The following AP3B1 variants were observed in gnomAD, a reference collection of about 807,000 sequenced individuals.
The protein encoded by AP3B1 is adaptor related protein complex 3 subunit beta 1, also known as AP-3 complex subunit beta-1.
In AP3B1, 61 loss-of-function variants were observed where a neutral mutation model predicts 132.5. That is an observed-to-expected ratio of 0.46 (90% CI 0.37 to 0.57). The LOEUF (loss-of-function observed/expected upper bound fraction) is 0.57. Among genes scored for constraint, AP3B1 ranks in the 20% least tolerant of loss-of-function variants. AP3B1 has a pLI of 0.00. For synonymous variants in AP3B1, 388 were observed against 438.3 expected, an observed-to-expected ratio of 0.89 and a Z score of 1.43; for missense variants, 1,120 against 1,289.4, an observed-to-expected ratio of 0.87 and a Z score of 2.01.
At chr5:78,118,380 C>T (rs1042330749) in intron 17 of AP3B1, among the ~76,000 whole-genome samples, 11 of 152,204 alleles carry the variant, frequency 7.2e-5, no homozygotes, top group African/African-American at 2.7e-4. Flanking sequence ...TGAGGCATTG[C>T]CTCACTCAGG....
At chr5:78,196,367 A>C (rs1395289713) in intron 7 of AP3B1, among the ~76,000 whole-genome samples, 1 of 152,178 alleles carries the variant, frequency 6.6e-6, no homozygotes, top group African/African-American at 2.4e-5. Flanking sequence ...AAACTTGATA[A>C]CTCCGTATAC....
chr5:78,039,126 G>A lies in AP3B1; in HGVS notation c.2726C>T (p.Thr909Ile), dbSNP rs1747940185. ...GATATTTTCTATCTTTCGATCAGTA[G>A]TGTTATTCAGTGTTATTTGTATAGA... Reference protein sequence around the residue: ...MVSIQITLNNTTDRKIENIHI... With the variant: ...MVSIQITLNNITDRKIENIHI... Residue 909 changes from threonine (T) to isoleucine (I), a missense_variant, in exon 23 of 27, where the codon ACT becomes ATT. Physicochemically the swap from Thr to Ile is moderately conservative, Grantham distance 89 (BLOSUM62 -1). This residue lies in a region of AP3B1 where 906 missense variants were observed against 997.1 expected (regional missense o/e 0.91). Transcript: ENST00000255194. 1 of 1,613,464 alleles carries A rather than the reference G, an allele frequency of 6.2e-7. No homozygotes were observed. The highest frequency in any genetic ancestry group is 8.5e-7 in the Non-Finnish European group (1 of 1,179,524).
chr5:78,164,232 A>G (rs77404924), intron 12 of AP3B1, among the ~76,000 whole-genome samples: 2,268 of 152,298 alleles, frequency 0.015, 70 homozygotes, highest in African/African-American at 0.049. Flanking sequence ...AACTATGAGC[A>G]TAACACAAAC....
At chr5:78,226,304 T>C (rs371023788) in intron 5 of AP3B1, among the ~76,000 whole-genome samples, 3 of 152,082 alleles carry the variant, frequency 2.0e-5, no homozygotes, top group Admixed American at 6.5e-5. Flanking sequence ...GCAGTTAACA[T>C]AGGAATATGA....
intron 24 of AP3B1, among the ~76,000 whole-genome samples, chr5:78,033,018 A>G (rs908636161): frequency 2.0e-5 from 3 of 152,082 alleles, no homozygotes; most frequent in Non-Finnish European, 2.9e-5. Flanking sequence ...AAAATTGGGG[A>G]AAAAAATCCA....
At chr5:78,078,741 G>T (rs536500430) in intron 22 of AP3B1, among the ~76,000 whole-genome samples, 16 of 152,278 alleles carry the variant, frequency 1.1e-4, no homozygotes, top group Admixed American at 2.0e-4. Context: ...ACTAAACTGT[G>T]AGCTCCCTTA....
At chr5:78,147,859 C>G (rs1265705174) in intron 14 of AP3B1, among the ~76,000 whole-genome samples, 1 of 152,076 alleles carries the variant, frequency 6.6e-6, no homozygotes, top group Non-Finnish European at 1.5e-5. Context: ...CATGGGGAAA[C>G]CCCATCTCTA....
chr5:78,020,847 A>G (rs1172756292), intron 24 of AP3B1, 58 bp from the exon 25 acceptor site: 7 of 1,364,690 alleles, frequency 5.1e-6, no homozygotes, highest in Admixed American at 1.7e-5. Flanking sequence ...TCTTAATACT[A>G]AGTAGTTAAA....
chr5:78,031,269 A>G (rs548704412), intron 24 of AP3B1, among the ~76,000 whole-genome samples: 3 of 152,184 alleles, frequency 2.0e-5, no homozygotes, highest in African/African-American at 7.2e-5. Flanking sequence ...TTATAAGTGG[A>G]CGAGATACTA....
chr5:78,032,888 G>C (rs558886448), intron 24 of AP3B1, among the ~76,000 whole-genome samples: 2 of 151,632 alleles, frequency 1.3e-5, no homozygotes, highest in South Asian at 2.1e-4. Flanking sequence ...TACACTCCTT[G>C]GCATAAGATA....
chr5:78,032,643 G>A (rs1307707509), intron 24 of AP3B1, among the ~76,000 whole-genome samples: 1 of 151,500 alleles, frequency 6.6e-6, no homozygotes, highest in Non-Finnish European at 1.5e-5. Flanking sequence ...CACTGCTTCA[G>A]GATCAATTAC....
chr5:78,246,917 T>C (rs1167512355), intron 2 of AP3B1, among the ~76,000 whole-genome samples: 2 of 152,150 alleles, frequency 1.3e-5, no homozygotes, highest in East Asian at 1.9e-4. Context: ...CTCAGAGCAC[T>C]GATTGGAAAT....
At chr5:78,011,349 C>G (rs1452699237) in intron 26 of AP3B1, among the ~76,000 whole-genome samples, 1 of 152,044 alleles carries the variant, frequency 6.6e-6, no homozygotes, top group Non-Finnish European at 1.5e-5. Flanking sequence ...CCCGGCCACT[C>G]TGTATATCTC....
At chr5:78,190,069 T>C (rs1462220669) in intron 7 of AP3B1, among the ~76,000 whole-genome samples, 1 of 151,882 alleles carries the variant, frequency 6.6e-6, no homozygotes, top group Non-Finnish European at 1.5e-5. Flanking sequence ...CAAATTAACA[T>C]ATAATATTAC....
intron 7 of AP3B1, among the ~76,000 whole-genome samples, chr5:78,194,103 G>A (rs1012234123): frequency 6.6e-6 from 1 of 151,986 alleles, no homozygotes; most frequent in African/African-American, 2.4e-5. Context: ...ATATTAGGCA[G>A]TCTCAATTAA....
chr5:78,183,449 C>T (rs1015975647), intron 7 of AP3B1, among the ~76,000 whole-genome samples: 1 of 152,012 alleles, frequency 6.6e-6, no homozygotes, highest in Non-Finnish European at 1.5e-5. Context: ...CTAGCAGATG[C>T]CAATACCAAG....
At chr5:78,104,440 T>C (rs149053475) in intron 20 of AP3B1, among the ~76,000 whole-genome samples, 93 of 152,274 alleles carry the variant, frequency 6.1e-4, no homozygotes, top group Middle Eastern at 3.4e-3. Context: ...AATTGAATAA[T>C]ATTTTTATTT....
chr5:78,048,153 T>TATGAAA (rs1376635209), intron 22 of AP3B1, among the ~76,000 whole-genome samples: 2 of 152,280 alleles, frequency 1.3e-5, no homozygotes, highest in African/African-American at 4.8e-5. Flanking sequence ...GGATTTCCTT[T>TATGAAA]ATGAAAATCC....
intron 22 of AP3B1, among the ~76,000 whole-genome samples, chr5:78,070,728 A>C (rs1749500511): frequency 6.6e-6 from 1 of 152,038 alleles, no homozygotes; most frequent in Non-Finnish European, 1.5e-5. Context: ...AAAACAAAAA[A>C]AAAAACATTA....
Sources: gnomAD v4.1 joint callset for allele counts (sites outside exome capture counted in the v4.1 genomes callset) on GRCh38, gnomAD v4.1.1 for gene constraint, gnomAD v4.1.1 regional missense constraint, MANE v1.5 for transcripts, NCBI Gene and HGNC (gene_info 2026-07-23, HGNC 2026-07-21) for gene names.